Variants in CTNNA2 observed in about 807,000 individuals in gnomAD.
CTNNA2 encodes catenin alpha 2, also known as catenin alpha-2.
Under a neutral mutation model 101.0 loss-of-function variants are expected in CTNNA2, and 42 were observed. The ratio of observed to expected loss-of-function variants is 0.42; its 90% CI spans 0.32 to 0.54. The LOEUF (loss-of-function observed/expected upper bound fraction) is 0.54. Among genes scored for constraint, CTNNA2 ranks in the 20% least tolerant of loss-of-function variants. The pLI, the probability that CTNNA2 is intolerant of heterozygous loss-of-function variation, is 0.14. For missense variants in CTNNA2, 871 were observed against 1,223.1 expected, an observed-to-expected ratio of 0.71 and a Z score of 4.29; for synonymous variants, 450 against 456.4, an observed-to-expected ratio of 0.99 and a Z score of 0.18.
intron 2 of CTNNA2, among the ~76,000 whole-genome samples, chr2:79,737,023 C>T (rs1670929728): frequency 6.6e-6 from 1 of 152,136 alleles, no homozygotes; most frequent in Non-Finnish European, 1.5e-5. Flanking sequence ...TGTATCATGG[C>T]ACCTAAAATG....
intron 7 of CTNNA2, among the ~76,000 whole-genome samples, chr2:80,224,626 A>G (rs1708767017): frequency 6.6e-6 from 1 of 151,802 alleles, no homozygotes; most frequent in African/African-American, 2.4e-5. Flanking sequence ...TTGTATTTTT[A>G]GTAGAGACAG....
intron 3 of CTNNA2, among the ~76,000 whole-genome samples, chr2:79,362,933 T>TAGGA (rs1011670645): frequency 6.6e-6 from 1 of 152,174 alleles, no homozygotes; most frequent in African/African-American, 2.4e-5. Context: ...TCCTAACAGA[T>TAGGA]AGGAGACAAA....
chr2:80,115,889 G>A (rs1250032277), intron 7 of CTNNA2, among the ~76,000 whole-genome samples: 1 of 152,142 alleles, frequency 6.6e-6, no homozygotes, highest in Non-Finnish European at 1.5e-5. Flanking sequence ...GCTGTGAGAT[G>A]TATTTGGACA....
intron 5 of CTNNA2, among the ~76,000 whole-genome samples, chr2:79,506,942 T>C (rs1671426035): frequency 6.6e-6 from 1 of 152,180 alleles, no homozygotes; most frequent in Non-Finnish European, 1.5e-5. Flanking sequence ...TTTCTTTCCC[T>C]GTATAATAGT....
chr2:80,279,391 G>A (rs925935116), intron 7 of CTNNA2, among the ~76,000 whole-genome samples: 5 of 152,122 alleles, frequency 3.3e-5, no homozygotes, highest in Non-Finnish European at 5.9e-5. Context: ...TACTGGCCTG[G>A]ACACAGCGTC....
At chr2:79,432,148 C>G (rs977831692) in intron 4 of CTNNA2, among the ~76,000 whole-genome samples, 1 of 152,136 alleles carries the variant, frequency 6.6e-6, no homozygotes, top group African/African-American at 2.4e-5. Flanking sequence ...GGTTTGCCCC[C>G]CTCTGGTAAT....
At chr2:79,215,133 G>C (rs542378612) in intron 2 of CTNNA2, among the ~76,000 whole-genome samples, 1 of 152,308 alleles carries the variant, frequency 6.6e-6, no homozygotes, top group Admixed American at 6.5e-5. Context: ...CCTTGGGCCA[G>C]AGTTCCAGGG....
At chr2:80,373,081 T>A (rs1171772838) in intron 7 of CTNNA2, among the ~76,000 whole-genome samples, 1 of 152,216 alleles carries the variant, frequency 6.6e-6, no homozygotes, top group Admixed American at 6.5e-5. Context: ...GCCCAGTGCC[T>A]AGCCCTGTGA....
chr2:79,488,083 A>G (rs1056250170), intron 4 of CTNNA2, among the ~76,000 whole-genome samples: 5 of 152,030 alleles, frequency 3.3e-5, no homozygotes, highest in African/African-American at 1.2e-4. Context: ...TGGGAGGCCC[A>G]GCAATCCCAG....
At chr2:80,575,125 A>G (rs1396939871) in intron 13 of CTNNA2, 2 of 152,194 alleles carry the variant, frequency 1.3e-5, no homozygotes, top group Non-Finnish European at 2.9e-5. Flanking sequence ...TATTAGCCAC[A>G]TAATAATCTT....
intron 7 of CTNNA2, among the ~76,000 whole-genome samples, chr2:80,267,321 G>T (rs1472844336): frequency 6.6e-6 from 1 of 152,198 alleles, no homozygotes; most frequent in Non-Finnish European, 1.5e-5. Context: ...ATATAGCATG[G>T]TGGAAAGTAA....
At chr2:79,635,449 GA>G (rs1038474343) in intron 1 of CTNNA2, among the ~76,000 whole-genome samples, 5 of 144,862 alleles carry the variant, frequency 3.5e-5, no homozygotes, top group Admixed American at 6.9e-5. Flanking sequence ...ACAGAAAAAA[GA>G]AAAAAAAAAG....
At chr2:79,593,876 TTTAG>T (rs1677020159) in intron 1 of CTNNA2, among the ~76,000 whole-genome samples, 2 of 149,370 alleles carry the variant, frequency 1.3e-5, no homozygotes, top group East Asian at 2.0e-4. Context: ...CTGCCTTTCT[TTTAG>T]TTTTTTTTTT....
rs1412597795 is a variant in CTNNA2, at chr2:80,574,334, C to G, written c.1893+20C>G. The stretch of plus-strand genomic sequence containing the variant: ...ATCAGGGTATGTGAGGCCTCTGTAG[C>G]TCAGAGCTGGTCAGATCTCCTAGTA... On this transcript the variant is annotated intron_variant, in intron 13 of 18. Transcript: ENST00000402739. 6.3e-7 allele frequency: 1 copy of G among 1,585,832 alleles called. No individual in the cohort carries two copies. Among genetic ancestry groups the G allele is most frequent in the Non-Finnish European group, 8.6e-7 (1 of 1,160,116 alleles).
At chr2:80,502,127 A>T (rs1246983979) in intron 9 of CTNNA2, among the ~76,000 whole-genome samples, 1 of 152,208 alleles carries the variant, frequency 6.6e-6, no homozygotes, top group Non-Finnish European at 1.5e-5. Flanking sequence ...AAATAGCACC[A>T]TCCCTAAATA....
intron 7 of CTNNA2, among the ~76,000 whole-genome samples, chr2:80,359,042 G>A (rs1024560033): frequency 6.6e-6 from 1 of 151,552 alleles, no homozygotes; most frequent in Non-Finnish European, 1.5e-5. Context: ...CTCCATTACT[G>A]TAGGCTCACT....
At chr2:79,514,465 T>C (rs1233536522) in intron 1 of CTNNA2, among the ~76,000 whole-genome samples, 1 of 152,232 alleles carries the variant, frequency 6.6e-6, no homozygotes, top group Non-Finnish European at 1.5e-5. Context: ...GGAACCATTG[T>C]TAATAATTTA....
At chr2:80,639,170 T>TA (rs1673177081) in intron 18 of CTNNA2, among the ~76,000 whole-genome samples, 2 of 152,206 alleles carry the variant, frequency 1.3e-5, no homozygotes, top group South Asian at 2.1e-4. Context: ...GAATTTCACT[T>TA]ATCAGGGATC....
intron 7 of CTNNA2, among the ~76,000 whole-genome samples, chr2:80,160,715 C>T (rs1247499514): frequency 1.3e-5 from 2 of 152,146 alleles, no homozygotes; most frequent in African/African-American, 2.4e-5. Flanking sequence ...ACAATCATAT[C>T]ATCTGCAATA....
Sources: allele counts gnomAD v4.1 joint callset (sites outside exome capture counted in the v4.1 genomes callset), GRCh38; gene constraint gnomAD v4.1.1; transcripts MANE v1.5; gene names NCBI Gene and HGNC (gene_info 2026-07-23, HGNC 2026-07-21).